Variants in LRCH4 observed in about 807,000 individuals in gnomAD.
The protein encoded by LRCH4 is leucine rich repeats and calponin homology domain containing 4, also known as leucine-rich repeat and calponin homology domain-containing protein 4.
LRCH4 carries 56 observed loss-of-function variants against 81.2 expected under a neutral mutation model. That is an observed-to-expected ratio of 0.69 (90% CI 0.56 to 0.86). LRCH4 has a LOEUF of 0.86. Among genes scored for constraint, LRCH4 ranks in the 40% least tolerant of loss-of-function variants. LRCH4 has a pLI of 0.00. For synonymous variants in LRCH4, 442 were observed against 409.7 expected (o/e 1.08, Z -0.95); for missense variants, 895 against 922.8 (o/e 0.97, Z 0.39).
rs776255264 is a variant in LRCH4 at position 100,578,453 on chromosome 7, C to A, written c.794G>T (p.Arg265Leu). 1.9e-6 allele frequency: 3 copies of A among 1,613,952 alleles called. No homozygotes were observed. Among genetic ancestry groups the A allele is most frequent in the Non-Finnish European group, 2.5e-6 (3 of 1,180,010 alleles). The change falls in exon 6 of 18, where the codon CGT becomes CTT. Residue 265 changes from arginine to leucine, a missense_variant. Coordinates refer to ENST00000310300, the MANE Select transcript of LRCH4 (RefSeq NM_002319.5). This position sits in a 1 kb window ranked among gnomAD's most constrained non-coding sequence, Gnocchi z 5.7. Reference protein sequence around the residue: ...FKYLSTEAGQRGSALGDLAPS... With the variant: ...FKYLSTEAGQLGSALGDLAPS... ...GGCCAGGTCCCCCAGGGCCGACCCA[C>A]GCTGCCCGGCCTCTGTGGACAAATA... is the stretch of plus-strand genomic sequence containing the variant.
In LRCH4 at chr7:100,574,774, T is replaced by TG. The variant is rs80089855; in HGVS notation, c.*332dup. ...AATTTAGCCCCCCCATAGCAGCTGT[T>TG]GGGGGGGGAAGGGGAGGGCACAGGA... On this transcript the variant is annotated 3_prime_UTR_variant, in exon 18 of 18. Coordinates refer to ENST00000310300, the MANE Select transcript of LRCH4 (RefSeq NM_002319.5). 913 of 267,922 alleles carry TG rather than the reference T, an allele frequency of 3.4e-3. 10 individuals carry two copies. Among genetic ancestry groups the TG allele is most frequent in the East Asian group, 0.034 (479 of 14,108 alleles). The allele number at this position is 267,922 out of a possible 1,614,324, so 16.6% of individuals were successfully genotyped here.
Position 100,575,247 on chromosome 7 carries a change from C to T in LRCH4, c.1912G>A (p.Ala638Thr), listed in dbSNP as rs750696463. 2.1e-5 allele frequency: 34 copies of T among 1,591,624 alleles called. No homozygotes were observed. The highest frequency in any genetic ancestry group is 2.4e-5 in the Non-Finnish European group (28 of 1,168,520). Residue 638 changes from alanine to threonine, a missense_variant, in exon 18 of 18, where the codon GCG (alanine) becomes ACG (threonine). Around this residue, in one of 3 missense-constraint regions of LRCH4, gnomAD observed 529 missense variants for 504.9 expected, o/e 1.05. Coordinates refer to ENST00000310300, the MANE Select transcript of LRCH4 (RefSeq NM_002319.5). This position sits in a 1 kb window ranked among gnomAD's most constrained non-coding sequence, Gnocchi z 5.3. ...CCCACCCGCTTCACGGCCTCCAGCGCGGTCCGCAGCCCCCGGGCAGTGCCC... is the reference window on the plus strand; with the variant it reads ...CCCACCCGCTTCACGGCCTCCAGCGTGGTCCGCAGCCCCCGGGCAGTGCCC... ...LQGTARGLRTALEAVKRVGGK... is the reference protein window; with the variant it reads ...LQGTARGLRTTLEAVKRVGGK...
Position 100,586,121 on chromosome 7 carries a change from T to G in LRCH4, c.-21A>C, listed in dbSNP as rs1176059407. On this transcript the variant is annotated 5_prime_UTR_variant, in exon 1 of 18. Transcript: ENST00000310300. The stretch of plus-strand genomic sequence containing the variant: ...GCCATCCGCTCCCGGCGGCTCCCGC[T>G]GCCTGACTGACGGGACCGGCCGTCC... The G allele has an allele frequency of 1.3e-6, 2 of 1,503,916 alleles. No homozygotes were observed. The highest frequency in any genetic ancestry group is 1.8e-6 in the Non-Finnish European group (2 of 1,122,550). The allele number at this position is 1,503,916 out of a possible 1,614,324, so 93.2% of individuals were successfully genotyped here. A position where few individuals can be genotyped will look rare whatever the true frequency, so the allele number is the denominator to read the frequency against.
At chr7:100,585,017 A>G in intron 1 of LRCH4, 1 of 346,910 alleles carries the variant, frequency 2.9e-6, no homozygotes, top group South Asian at 2.1e-5. Context: ...CCTACCATCC[A>G]CAGACACCAG....
intron 4 of LRCH4, chr7:100,579,626 GA>G (rs1397019431): frequency 2.0e-5 from 3 of 150,952 alleles, no homozygotes; most frequent in African/African-American, 7.3e-5. Flanking sequence ...GCACAGTCTG[GA>G]TTCATGGCGG....
chr7:100,574,884 A>G lies in LRCH4; in HGVS notation c.*223T>C, dbSNP rs1801293908. ...CCGGCGGGGACATGAAGGCACCGTCAGCACTGAGAGGTGGGGACTCGTGGG... is the reference window on the plus strand; with the variant it reads ...CCGGCGGGGACATGAAGGCACCGTCGGCACTGAGAGGTGGGGACTCGTGGG... On this transcript the variant is annotated 3_prime_UTR_variant, in exon 18 of 18. Transcript: ENST00000310300. 2.0e-6 allele frequency: 1 copy of G among 500,726 alleles called. No individual in the cohort carries two copies. The highest frequency in any genetic ancestry group is 1.9e-5 in the African/African-American group (1 of 52,244). The allele number at this position is 500,726 out of a possible 1,614,324, so 31.0% of individuals were successfully genotyped here.
At chr7:100,585,734 G>A (rs555908913) in intron 1 of LRCH4, 147 bp downstream of exon 1, 5 of 763,448 alleles carry the variant, frequency 6.5e-6, no homozygotes, top group East Asian at 6.4e-5. Context: ...GATGGGAGAG[G>A]ATGGCTGCAG....
chr7:100,581,746 C>T, intron 4 of LRCH4, 31 bp downstream of exon 4: 2 of 1,602,726 alleles, frequency 1.2e-6, no homozygotes, highest in Non-Finnish European at 1.7e-6. Context: ...CACATACAAA[C>T]ACCTCCTCTC....
In LRCH4 at chr7:100,577,603, C is replaced by T. The variant is rs778051842; in HGVS notation, c.1117-45G>A. The T allele has an allele frequency of 1.4e-5, 23 of 1,608,454 alleles. No homozygotes were observed. The highest frequency in any genetic ancestry group is 1.3e-4 in the African/African-American group (10 of 74,858). On this transcript the variant is annotated intron_variant, in intron 9 of 17. Transcript: ENST00000310300. The surrounding 1 kb of genome is among the most constrained non-coding windows in gnomAD (Gnocchi z 6.7). ...GCAGCTGAGGGCAGGCCTGTGCCCA[C>T]GCCTGCCCTGTCCCCTCCTCCAGCT...
chr7:100,575,291 G>A lies in LRCH4; in HGVS notation c.1868C>T (p.Ser623Leu), dbSNP rs567273164. Residue 623 changes from serine to leucine, a missense_variant, in exon 18 of 18, where the codon TCG becomes TTG. This residue lies in a region of LRCH4 where 529 missense variants were observed against 504.9 expected (regional missense o/e 1.05). Coordinates refer to ENST00000310300, the MANE Select transcript of LRCH4 (RefSeq NM_002319.5). This position sits in a 1 kb window ranked among gnomAD's most constrained non-coding sequence, Gnocchi z 5.3. Reference protein sequence around the residue: ...KMGVPEADLCSPSDLLQGTAR... With the variant: ...KMGVPEADLCLPSDLLQGTAR... Reference sequence around the variant, plus strand: ...AGTGCCCTGGAGGAGATCCGAGGGCGAGCACAGGTCAGCCTGGGGGAGAGG... The same window carrying A: ...AGTGCCCTGGAGGAGATCCGAGGGCAAGCACAGGTCAGCCTGGGGGAGAGG... 29 of 1,554,016 alleles carry A rather than the reference G, an allele frequency of 1.9e-5. No individual in the cohort carries two copies. Among genetic ancestry groups the A allele is most frequent in the African/African-American group, 6.8e-5 (5 of 73,718 alleles).
chr7:100,575,317 A>G lies in LRCH4; in HGVS notation c.1855-13T>C. On this transcript the variant is annotated splice_polypyrimidine_tract_variant and intron_variant, in intron 17 of 17. Transcript: ENST00000310300. The surrounding 1 kb of genome is among the most constrained non-coding windows in gnomAD (Gnocchi z 5.3). ...AGCACAGGTCAGCCTGGGGGAGAGGAGAGCAGGTGGACAAGGACAAGGGAC... is the reference window on the plus strand; with the variant it reads ...AGCACAGGTCAGCCTGGGGGAGAGGGGAGCAGGTGGACAAGGACAAGGGAC... The G allele has an allele frequency of 1.3e-6, 2 of 1,530,410 alleles. No individual in the cohort carries two copies. The highest frequency in any genetic ancestry group is 1.4e-5 in the African/African-American group (1 of 72,860). 94.8% of individuals were successfully genotyped at this position (1,530,410 alleles called of 1,614,324 possible).
rs1562806948 is a variant in LRCH4 at position 100,578,990 on chromosome 7, G to C, written c.599-204C>G. 1.4e-5 allele frequency: 8 copies of C among 586,514 alleles called. No homozygotes were observed. Among genetic ancestry groups the C allele is most frequent in the Non-Finnish European group, 2.4e-5 (8 of 336,620 alleles). The allele number at this position is 586,514 out of a possible 1,614,324, so 36.3% of individuals were successfully genotyped here. On this transcript the variant is annotated intron_variant, in intron 4 of 17. Transcript: ENST00000310300. The surrounding 1 kb of genome is among the most constrained non-coding windows in gnomAD (Gnocchi z 5.7). ...GTCCACGGTCTAAGCGAGCCTCCCT[G>C]AGAGGGCCCATCTGGACGTCAGCTC... is the stretch of plus-strand genomic sequence containing the variant.
chr7:100,581,961 C>A, intron 3 of LRCH4, 79 bp from the exon 4 acceptor site: 1 of 1,606,106 alleles, frequency 6.2e-7, no homozygotes, highest in East Asian at 2.2e-5. Context: ...GTCTTTGCTC[C>A]AGGCCCTCCC....
At chr7:100,581,616 C>T in intron 4 of LRCH4, 161 bp downstream of exon 4, 1 of 624,396 alleles carries the variant, frequency 1.6e-6, no homozygotes, top group South Asian at 2.0e-5. Context: ...CAGAAGCTGA[C>T]CATGGAAGCA....
Position 100,583,868 on chromosome 7 carries a change from T to G in LRCH4, c.221-1409A>C. On this transcript the variant is annotated intron_variant, in intron 1 of 17. Transcript: ENST00000310300. The surrounding 1 kb of genome is among the most constrained non-coding windows in gnomAD (Gnocchi z 4.3). ...GGGGGTGGAGACCGAGTTCTCAGAG[T>G]TCTGATGGGGTAGGCGGTGGCGGGG... 3.5e-6 allele frequency: 1 copy of G among 288,986 alleles called. No homozygotes were observed. The highest frequency in any genetic ancestry group is 7.1e-6 in the Non-Finnish European group (1 of 141,810). 17.9% of individuals were successfully genotyped at this position (288,986 alleles called of 1,614,324 possible).
rs181648905 is a variant in LRCH4, at chr7:100,575,438, G to C, written c.1855-134C>G. The stretch of plus-strand genomic sequence containing the variant: ...CACATGCTGACGTGCTGGGCAGGGG[G>C]AGTGCAGTGCAGGAGGAGTGCAGGG... On this transcript the variant is annotated intron_variant, in intron 17 of 17. Coordinates refer to ENST00000310300, the MANE Select transcript of LRCH4 (RefSeq NM_002319.5). The surrounding 1 kb of genome is among the most constrained non-coding windows in gnomAD (Gnocchi z 5.3). 1.4e-5 allele frequency: 13 copies of C among 917,280 alleles called. No individual in the cohort carries two copies. Among genetic ancestry groups the C allele is most frequent in the East Asian group, 1.3e-4 (5 of 37,906 alleles). 56.8% of individuals were successfully genotyped at this position (917,280 alleles called of 1,614,324 possible). A position where few individuals can be genotyped will look rare whatever the true frequency, so the allele number is the denominator to read the frequency against.
Position 100,577,298 on chromosome 7 carries a change from C to T in LRCH4, c.1270G>A (p.Ala424Thr), listed in dbSNP as rs749358816. Residue 424 changes from alanine (A) to threonine (T), a missense_variant, in exon 11 of 18, where the codon GCG becomes ACG. Around this residue, in one of 3 missense-constraint regions of LRCH4, gnomAD observed 529 missense variants for 504.9 expected, o/e 1.05. Coordinates refer to ENST00000310300, the MANE Select transcript of LRCH4 (RefSeq NM_002319.5). This position sits in a 1 kb window ranked among gnomAD's most constrained non-coding sequence, Gnocchi z 6.7. ...CTATCCTTCCTCGGGGCCCCCCACG[C>T]CCCGCTCTGCTGCTGCTGCCGCCGT... ...RERRQQQQSG[A>T]WGAPRKDSLL... The T allele has an allele frequency of 4.0e-5, 64 of 1,598,192 alleles. No individual in the cohort carries two copies. The highest frequency in any genetic ancestry group is 3.4e-5 in the Admixed American group (2 of 59,598).
Position 100,577,123 on chromosome 7 carries a change from C to T in LRCH4, c.1327G>A (p.Gly443Arg), listed in dbSNP as rs1320733921. 4.3e-6 allele frequency: 7 copies of T among 1,613,990 alleles called. No individual in the cohort carries two copies. The Admixed American group carries it at 1.2e-4, about 27-fold the overall frequency. ...LLKPGLRAVV[G>R]GAAAVSTQAM... Reference sequence around the variant, plus strand: ...TGAGTGGACACGGCGGCGGCCCCTCCCACAACAGCCCTGAGCCCTGGCTTC... The same window carrying T: ...TGAGTGGACACGGCGGCGGCCCCTCTCACAACAGCCCTGAGCCCTGGCTTC... Residue 443 changes from glycine to arginine, a missense_variant, in exon 12 of 18, where the codon GGA becomes AGA. By Grantham distance (125) the Gly-to-Arg change is moderately radical. Transcript: ENST00000310300. The surrounding 1 kb of genome is among the most constrained non-coding windows in gnomAD (Gnocchi z 6.7).
rs1195040222 is a variant in LRCH4, at chr7:100,583,567, C to T, written c.221-1108G>A. 1.3e-5 allele frequency among the ~76,000 whole-genome samples: 2 copies of T among 152,168 alleles called. No homozygotes were observed. Among genetic ancestry groups the T allele is most frequent in the Non-Finnish European group, 2.9e-5 (2 of 68,030 alleles). On this transcript the variant is annotated intron_variant, in intron 1 of 17. Transcript: ENST00000310300. The surrounding 1 kb of genome is among the most constrained non-coding windows in gnomAD (Gnocchi z 4.3). ...GCAGAGGAGAGAAGCCGGGTATATC[C>T]CCCAAGGAAATGAGTCTTGTGACAG...
Sources: allele counts gnomAD v4.1 joint callset (sites outside exome capture counted in the v4.1 genomes callset), GRCh38; gene constraint gnomAD v4.1.1; regional missense constraint gnomAD v4.1.1; non-coding constraint Gnocchi (gnomAD v3.1); transcripts MANE v1.5; gene names NCBI Gene and HGNC (gene_info 2026-07-23, HGNC 2026-07-21).